The following HS3ST5 variants were observed in gnomAD, a reference collection of about 807,000 sequenced individuals.
The protein encoded by HS3ST5 is heparan sulfate-glucosamine 3-sulfotransferase 5, also known as heparan sulfate glucosamine 3-O-sulfotransferase 5.
HS3ST5 carries 10 observed loss-of-function variants against 25.4 expected under a neutral mutation model. The ratio of observed to expected loss-of-function variants is 0.39; its 90% CI spans 0.24 to 0.67. The LOEUF (loss-of-function observed/expected upper bound fraction) is 0.67, where lower values mean the gene tolerates loss of function less well. Among genes scored for constraint, HS3ST5 ranks in the 30% least tolerant of loss-of-function variants. The probability of loss-of-function intolerance (pLI) is 0.44; values close to 1 mark genes in which losing one functional copy is unlikely to be tolerated. For missense variants in HS3ST5, 324 were observed against 420.7 expected, an observed-to-expected ratio of 0.77 and a Z score of 2.01; for synonymous variants, 170 against 162.4, an observed-to-expected ratio of 1.05 and a Z score of -0.36.
At chr6:114,158,813 G>T (rs1163051244) in intron 3 of HS3ST5, among the ~76,000 whole-genome samples, 1 of 152,136 alleles carries the variant, frequency 6.6e-6, no homozygotes. Flanking sequence ...GGCAAAAAAT[G>T]TTCTGTATTA....
intron 1 of HS3ST5, among the ~76,000 whole-genome samples, chr6:114,290,654 T>TGCTAA (rs1774535710): frequency 6.6e-6 from 1 of 152,162 alleles, no homozygotes; most frequent in Non-Finnish European, 1.5e-5. Flanking sequence ...TGCCAGATGG[T>TGCTAA]ATATCAGAGT....
At chr6:114,323,023 C>T (rs1562275845) in intron 1 of HS3ST5, among the ~76,000 whole-genome samples, 1 of 152,054 alleles carries the variant, frequency 6.6e-6, no homozygotes, top group African/African-American at 2.4e-5. Context: ...CTCTGCTGGT[C>T]GGGGACTTAA....
At chr6:114,075,481 A>G (rs1052977498) in intron 3 of HS3ST5, among the ~76,000 whole-genome samples, 3 of 152,222 alleles carry the variant, frequency 2.0e-5, no homozygotes, top group Admixed American at 6.5e-5. Flanking sequence ...TAGACCAGAC[A>G]TTACTAAAGT....
At chr6:114,206,787 G>A (rs558204290) in intron 2 of HS3ST5, among the ~76,000 whole-genome samples, 1 of 152,212 alleles carries the variant, frequency 6.6e-6, no homozygotes, top group Admixed American at 6.5e-5. Flanking sequence ...GAAAGGAACA[G>A]AGAAAAACAT....
At chr6:114,124,803 T>G (rs1776963116) in intron 3 of HS3ST5, among the ~76,000 whole-genome samples, 1 of 152,230 alleles carries the variant, frequency 6.6e-6, no homozygotes, top group African/African-American at 2.4e-5. Context: ...CTATCGATTT[T>G]CAGGTTTACA....
intron 1 of HS3ST5, among the ~76,000 whole-genome samples, chr6:114,315,158 T>C (rs1409921065): frequency 1.3e-5 from 2 of 152,180 alleles, no homozygotes; most frequent in East Asian, 3.8e-4. Context: ...AGAGCATTTT[T>C]ATTTGTGCAA....
chr6:114,250,285 A>T (rs975168843), intron 1 of HS3ST5, among the ~76,000 whole-genome samples: 12 of 152,170 alleles, frequency 7.9e-5, no homozygotes, highest in East Asian at 1.9e-4. Flanking sequence ...AAGAGATTTT[A>T]AAAAAATTAT....
At chr6:114,086,187 G>A (rs1033557167) in intron 3 of HS3ST5, among the ~76,000 whole-genome samples, 16 of 152,126 alleles carry the variant, frequency 1.1e-4, no homozygotes, top group Admixed American at 2.0e-4. Flanking sequence ...CAAGGCAAAA[G>A]ATTTTGCAGA....
rs549963684 is a variant in HS3ST5, at chr6:114,310,903, T to C, written c.-339+31292A>G. On this transcript the variant is annotated intron_variant, in intron 1 of 4. Coordinates refer to ENST00000312719, the MANE Select transcript of HS3ST5 (RefSeq NM_153612.4). ...ATCCCCTGGAAAAGCAAATAGAGTT[T>C]GGCAACTTTCTGGTTTACTTCCAGA... is the stretch of plus-strand genomic sequence containing the variant. Among the ~76,000 whole-genome samples the C allele has an allele frequency of 3.9e-4, 59 of 152,324 alleles. 1 individual carries two copies. The highest frequency in any genetic ancestry group is 3.4e-3 in the Middle Eastern group (1 of 294).
At chr6:114,240,049 T>C (rs557925728) in intron 1 of HS3ST5, among the ~76,000 whole-genome samples, 2 of 151,760 alleles carry the variant, frequency 1.3e-5, no homozygotes, top group African/African-American at 4.8e-5. Flanking sequence ...TTACTCTCTA[T>C]TACACTGGCA....
intron 3 of HS3ST5, among the ~76,000 whole-genome samples, chr6:114,074,074 C>A (rs753540025): frequency 6.6e-6 from 1 of 151,924 alleles, no homozygotes; most frequent in South Asian, 2.1e-4. Flanking sequence ...TGTTCTCACT[C>A]ATAAGTGGGA....
At chr6:114,254,001 G>C (rs2114637517) in intron 1 of HS3ST5, among the ~76,000 whole-genome samples, 2 of 152,188 alleles carry the variant, frequency 1.3e-5, no homozygotes, top group East Asian at 3.9e-4. Context: ...GAAAATGCAA[G>C]GCAGGAAGGG....
intron 1 of HS3ST5, among the ~76,000 whole-genome samples, chr6:114,337,569 A>G (rs1394067897): frequency 6.6e-6 from 1 of 152,212 alleles, no homozygotes; most frequent in African/African-American, 2.4e-5. Context: ...ACCTTTGGAA[A>G]TTATTGAGTC....
chr6:114,162,542 T>C (rs1779022297), intron 3 of HS3ST5, among the ~76,000 whole-genome samples: 1 of 152,194 alleles, frequency 6.6e-6, no homozygotes, highest in African/African-American at 2.4e-5. Context: ...AAAGGACTAC[T>C]TTAATGATGT....
chr6:114,145,073 T>C (rs1030128996), intron 3 of HS3ST5, among the ~76,000 whole-genome samples: 11 of 152,194 alleles, frequency 7.2e-5, no homozygotes, highest in Non-Finnish European at 1.2e-4. Context: ...CTGTTGATTT[T>C]TGCTGCTGAC....
chr6:114,254,092 G>A (rs1263582049), intron 1 of HS3ST5, among the ~76,000 whole-genome samples: 1 of 152,146 alleles, frequency 6.6e-6, no homozygotes, highest in Non-Finnish European at 1.5e-5. Context: ...AAAGGAGAGA[G>A]GGTTCTGAAT....
intron 3 of HS3ST5, among the ~76,000 whole-genome samples, chr6:114,107,990 G>A (rs1383734416): frequency 1.3e-5 from 2 of 151,990 alleles, no homozygotes; most frequent in Non-Finnish European, 2.9e-5. Flanking sequence ...AAATTGATAG[G>A]AGTTCTAAAA....
chr6:114,172,155 A>T (rs529987530), intron 2 of HS3ST5, among the ~76,000 whole-genome samples: 1 of 152,314 alleles, frequency 6.6e-6, no homozygotes, highest in South Asian at 2.1e-4. Context: ...CAGCTTACAC[A>T]TCAAGTAAGT....
intron 3 of HS3ST5, among the ~76,000 whole-genome samples, chr6:114,137,993 A>C (rs1777713985): frequency 6.6e-6 from 1 of 152,188 alleles, no homozygotes; most frequent in Non-Finnish European, 1.5e-5. Context: ...AGGTACTCTA[A>C]ATACTTAATC....
Sources: gnomAD v4.1 joint callset for allele counts (sites outside exome capture counted in the v4.1 genomes callset) on GRCh38, gnomAD v4.1.1 for gene constraint, MANE v1.5 for transcripts, NCBI Gene and HGNC (gene_info 2026-07-23, HGNC 2026-07-21) for gene names.